Variants in SMOC2 observed in about 807,000 individuals in gnomAD.
SMOC2 encodes SPARC related modular calcium binding 2.
A neutral mutation model predicts 61.4 loss-of-function variants in SMOC2; 39 were observed. That is an observed-to-expected ratio of 0.64 (90% confidence interval 0.49 to 0.83). SMOC2 has a LOEUF of 0.83. SMOC2 is among the 40% of genes least tolerant of loss of function. SMOC2 has a pLI of 0.00. For missense variants in SMOC2, 556 were observed against 592.9 expected (o/e 0.94, Z 0.65); for synonymous variants, 247 against 239.9 (o/e 1.03, Z -0.27).
chr6:168,519,008 T>C (rs188305872), intron 2 of SMOC2, among the ~76,000 whole-genome samples: 18 of 140,636 alleles, frequency 1.3e-4, no homozygotes, highest in Non-Finnish European at 2.5e-4. Flanking sequence ...CATGTGTGAG[T>C]ATGCGTGCAT....
At chr6:168,511,331 A>G (rs1299324390) in intron 2 of SMOC2, among the ~76,000 whole-genome samples, 1 of 152,184 alleles carries the variant, frequency 6.6e-6, no homozygotes, top group East Asian at 1.9e-4. Flanking sequence ...GCTTACAATC[A>G]TGGCAGAAGG....
chr6:168,656,507 TAAAAAAA>T (rs5881805), intron 11 of SMOC2, among the ~76,000 whole-genome samples: 2 of 86,814 alleles, frequency 2.3e-5, no homozygotes, highest in South Asian at 6.9e-4. Context: ...GACTTTGTGT[TAAAAAAA>T]AAAAAAAAAA....
At chr6:168,461,616 T>G (rs1006616345) in intron 1 of SMOC2, among the ~76,000 whole-genome samples, 1 of 152,220 alleles carries the variant, frequency 6.6e-6, no homozygotes, top group Non-Finnish European at 1.5e-5. Flanking sequence ...TATTGAGTTT[T>G]ACTGCACTTT....
intron 4 of SMOC2, among the ~76,000 whole-genome samples, chr6:168,534,512 TG>T (rs773492358): frequency 2.6e-5 from 4 of 152,228 alleles, no homozygotes; most frequent in Non-Finnish European, 5.9e-5. Flanking sequence ...CAGAGGCCCT[TG>T]GGGCTGAAGC....
Position 168,527,680 on chromosome 6 carries a change from G to T in SMOC2, c.416G>T (p.Arg139Met). ...GYCWCVTPNGRPISGTAVAHK... is the reference protein window; with the variant it reads ...GYCWCVTPNGMPISGTAVAHK... ...TGCTGGTGCGTCACGCCCAACGGGA[G>T]GCCCATCAGCGGCACTGCCGTGGCC... The change falls in exon 4 of 13, where the codon AGG (arginine) becomes ATG (methionine). Residue 139 changes from arginine (R) to methionine (M), a missense_variant. Transcript: ENST00000356284. 6.4e-7 allele frequency: 1 copy of T among 1,552,642 alleles called. No individual in the cohort carries two copies. The highest frequency in any genetic ancestry group is 2.4e-5 in the East Asian group (1 of 41,140).
At chr6:168,498,256 T>G (rs1457352361) in intron 1 of SMOC2, among the ~76,000 whole-genome samples, 2 of 152,214 alleles carry the variant, frequency 1.3e-5, no homozygotes, top group Admixed American at 1.3e-4. Flanking sequence ...GCTTTCCAGG[T>G]TACTCTCATA....
intron 9 of SMOC2, among the ~76,000 whole-genome samples, chr6:168,613,438 G>A (rs1001971898): frequency 6.6e-6 from 1 of 152,106 alleles, no homozygotes; most frequent in Non-Finnish European, 1.5e-5. Flanking sequence ...CCAAGCCAGG[G>A]TCCTCTCCTG....
intron 7 of SMOC2, among the ~76,000 whole-genome samples, chr6:168,578,817 G>A (rs982380352): frequency 2.6e-5 from 4 of 152,224 alleles, no homozygotes; most frequent in South Asian, 2.1e-4. Context: ...GGGCATGACA[G>A]TCCAGGGCTT....
rs1428160060 is a variant in SMOC2 at position 168,666,794 on chromosome 6, C to G, written c.*356C>G. 8.8e-6 allele frequency: 2 copies of G among 228,464 alleles called. No individual in the cohort carries two copies. Among genetic ancestry groups the G allele is most frequent in the Non-Finnish European group, 1.7e-5 (2 of 116,708 alleles). The allele number at this position is 228,464 out of a possible 1,614,324, so 14.2% of individuals were successfully genotyped here. A position where few individuals can be genotyped will look rare whatever the true frequency, so the allele number is the denominator to read the frequency against. Reference sequence around the variant, plus strand: ...TGGCTTTCTCTAACCCCTGCAGTCACTTCCAGATGCCTGTGCTTACAGCAT... The same window carrying G: ...TGGCTTTCTCTAACCCCTGCAGTCAGTTCCAGATGCCTGTGCTTACAGCAT... On this transcript the variant is annotated 3_prime_UTR_variant, in exon 13 of 13. Coordinates refer to ENST00000356284, the MANE Select transcript of SMOC2 (RefSeq NM_001166412.2).
At chr6:168,655,378 C>A (rs757572667) in intron 11 of SMOC2, 18 of 456,322 alleles carry the variant, frequency 3.9e-5, no homozygotes, top group Non-Finnish European at 7.1e-5. Flanking sequence ...GTGGGCCTGG[C>A]CTACCCAACC....
intron 5 of SMOC2, among the ~76,000 whole-genome samples, chr6:168,546,139 G>T (rs1307066361): frequency 7.0e-6 from 1 of 142,904 alleles, no homozygotes; most frequent in Non-Finnish European, 1.5e-5. Context: ...CCACTGGGAA[G>T]TTCATGACTT....
intron 2 of SMOC2, among the ~76,000 whole-genome samples, chr6:168,511,498 G>T (rs961866387): frequency 6.6e-6 from 1 of 152,168 alleles, no homozygotes; most frequent in Non-Finnish European, 1.5e-5. Context: ...CTCCCACCAG[G>T]TCCCTCCCAT....
intron 12 of SMOC2, chr6:168,664,810 A>G (rs528607726): frequency 2.1e-6 from 1 of 471,116 alleles, no homozygotes; most frequent in South Asian, 1.5e-5. Flanking sequence ...GAAGATAAAC[A>G]TGAGTGGGTT....
chr6:168,622,168 G>A (rs1029053445), intron 9 of SMOC2, among the ~76,000 whole-genome samples: 8 of 151,938 alleles, frequency 5.3e-5, no homozygotes, highest in East Asian at 3.9e-4. Context: ...GGGTTTCACC[G>A]TGTTAGCCAG....
rs1450423979 is a variant in SMOC2 at position 168,475,692 on chromosome 6, C to T, written c.85-34223C>T. On this transcript the variant is annotated intron_variant, in intron 1 of 12. Coordinates refer to ENST00000356284, the MANE Select transcript of SMOC2 (RefSeq NM_001166412.2). This position sits in a 1 kb window ranked among gnomAD's most constrained non-coding sequence, Gnocchi z 4.6. ...ACGCGTCTGTGGCCCAGGGAGGCCA[C>T]GTGTGAGACCTGGTGTGGGTCGAGG... 2.0e-5 allele frequency among the ~76,000 whole-genome samples: 3 copies of T among 152,086 alleles called. No individual in the cohort carries two copies. The highest frequency in any genetic ancestry group is 2.9e-5 in the Non-Finnish European group (2 of 67,990).
At chr6:168,545,551 G>T (rs1783976372) in intron 5 of SMOC2, among the ~76,000 whole-genome samples, 1 of 152,228 alleles carries the variant, frequency 6.6e-6, no homozygotes, top group Non-Finnish European at 1.5e-5. Context: ...ATGGAGTAGG[G>T]CCTATGATGA....
chr6:168,582,971 C>A (rs561108297), intron 7 of SMOC2, among the ~76,000 whole-genome samples: 8 of 152,048 alleles, frequency 5.3e-5, no homozygotes, highest in Non-Finnish European at 1.2e-4. Flanking sequence ...TCAAGACTCA[C>A]GCCAGACTCG....
chr6:168,557,020 G>T (rs527996067), intron 7 of SMOC2, among the ~76,000 whole-genome samples: 2 of 151,980 alleles, frequency 1.3e-5, no homozygotes, highest in South Asian at 4.2e-4. Flanking sequence ...TTTATTTAGG[G>T]ATGATAATTT....
intron 9 of SMOC2, among the ~76,000 whole-genome samples, chr6:168,617,824 GTTTTC>G (rs1308133839): frequency 6.6e-6 from 1 of 152,190 alleles, no homozygotes; most frequent in Non-Finnish European, 1.5e-5. Flanking sequence ...TGCATTTTCT[GTTTTC>G]TTCTCTCCGC....
Sources: gnomAD v4.1 joint callset for allele counts (sites outside exome capture counted in the v4.1 genomes callset) on GRCh38, gnomAD v4.1.1 for gene constraint, Gnocchi (gnomAD v3.1) non-coding constraint, MANE v1.5 for transcripts, NCBI Gene and HGNC (gene_info 2026-07-23, HGNC 2026-07-21) for gene names.